Variants in TRAPPC9 observed in about 807,000 individuals in gnomAD.
The protein encoded by TRAPPC9 is IKK2 binding protein.
In TRAPPC9, 83 loss-of-function variants were observed where a neutral mutation model predicts 124.0. The ratio of observed to expected loss-of-function variants is 0.67; its 90% CI spans 0.56 to 0.80. The LOEUF (loss-of-function observed/expected upper bound fraction) is 0.80, where lower values mean the gene tolerates loss of function less well. TRAPPC9 is among the 30% of genes least tolerant of loss of function. TRAPPC9 has a pLI of 0.00. For missense variants in TRAPPC9, 1,302 were observed against 1,508.3 expected, an observed-to-expected ratio of 0.86 and a Z score of 2.27; for synonymous variants, 638 against 617.5, an observed-to-expected ratio of 1.03 and a Z score of -0.49.
chr8:139,998,535 G>A (rs535382882), intron 18 of TRAPPC9, among the ~76,000 whole-genome samples: 11 of 152,228 alleles, frequency 7.2e-5, no homozygotes, highest in East Asian at 3.9e-4. Flanking sequence ...TGGCTAACAC[G>A]GTGAAACCCC....
chr8:140,422,525 G>A (rs1477659116), intron 5 of TRAPPC9, among the ~76,000 whole-genome samples: 2 of 152,006 alleles, frequency 1.3e-5, no homozygotes, highest in Non-Finnish European at 2.9e-5. Context: ...AGGCCGAGGT[G>A]GGCGGATCAC....
chr8:139,918,365 A>T (rs1487699267), intron 19 of TRAPPC9, among the ~76,000 whole-genome samples: 1 of 152,202 alleles, frequency 6.6e-6, no homozygotes, highest in Non-Finnish European at 1.5e-5. Context: ...GAACCTGCGA[A>T]GAGCCCCCGA....
At chr8:139,775,900 G>A (rs1430996991) in intron 21 of TRAPPC9, among the ~76,000 whole-genome samples, 1 of 152,210 alleles carries the variant, frequency 6.6e-6, no homozygotes, top group South Asian at 2.1e-4. Flanking sequence ...CATTTCCACA[G>A]ATGAGAGTCA....
At chr8:139,833,849 G>C (rs1454840521) in intron 21 of TRAPPC9, among the ~76,000 whole-genome samples, 1 of 152,220 alleles carries the variant, frequency 6.6e-6, no homozygotes, top group Admixed American at 6.5e-5. Flanking sequence ...GTGTGGGGGA[G>C]GGGAGGCAGG....
intron 19 of TRAPPC9, among the ~76,000 whole-genome samples, chr8:139,953,493 A>T (rs556862568): frequency 2.5e-4 from 38 of 152,320 alleles, no homozygotes; most frequent in Admixed American, 5.9e-4. Flanking sequence ...CTCTGTCTCA[A>T]AAAAAATGTG....
intron 17 of TRAPPC9, among the ~76,000 whole-genome samples, chr8:140,037,642 C>T: frequency 6.7e-6 from 1 of 149,978 alleles, no homozygotes; most frequent in East Asian, 2.0e-4. Context: ...ACACACAAAA[C>T]ACACACCATA....
intron 15 of TRAPPC9, among the ~76,000 whole-genome samples, chr8:140,261,170 A>T (rs536196282): frequency 6.6e-6 from 1 of 152,328 alleles, no homozygotes; most frequent in Admixed American, 6.5e-5. Flanking sequence ...CGCCTAGGTC[A>T]TGTGCATGAA....
chr8:140,415,129 T>G (rs2069868940), intron 5 of TRAPPC9, among the ~76,000 whole-genome samples: 1 of 152,066 alleles, frequency 6.6e-6, no homozygotes, highest in South Asian at 2.1e-4. Flanking sequence ...GAGGATCTCT[T>G]GAGCCCAGGA....
chr8:140,274,551 A>G (rs573928698), intron 15 of TRAPPC9, among the ~76,000 whole-genome samples: 8 of 152,376 alleles, frequency 5.3e-5, no homozygotes, highest in East Asian at 3.9e-4. Context: ...TCAGTGGAAG[A>G]AATATGGGAA....
intron 13 of TRAPPC9, among the ~76,000 whole-genome samples, chr8:140,287,188 A>G (rs1240384015): frequency 6.6e-6 from 1 of 152,160 alleles, no homozygotes; most frequent in East Asian, 1.9e-4. Flanking sequence ...TATTTAGCCC[A>G]AAAAATACTG....
At chr8:139,768,317 C>T (rs1043168040) in intron 21 of TRAPPC9, among the ~76,000 whole-genome samples, 20 of 152,222 alleles carry the variant, frequency 1.3e-4, no homozygotes, top group Non-Finnish European at 2.5e-4. Context: ...ACCCTGGAGC[C>T]ACAGCAGTGA....
chr8:140,409,786 T>G (rs576621641), intron 5 of TRAPPC9, among the ~76,000 whole-genome samples: 2 of 151,990 alleles, frequency 1.3e-5, no homozygotes, highest in African/African-American at 4.8e-5. Context: ...ATTTAAAAAA[T>G]AAGAAGAAGA....
intron 17 of TRAPPC9, among the ~76,000 whole-genome samples, chr8:140,186,713 T>C (rs1036526161): frequency 3.9e-5 from 6 of 152,334 alleles, no homozygotes; most frequent in South Asian, 2.1e-4. Flanking sequence ...TCTTAATTAA[T>C]TGAAGCAAGT....
intron 8 of TRAPPC9, among the ~76,000 whole-genome samples, chr8:140,364,308 A>AG (rs1433680515): frequency 1.8e-4 from 28 of 152,058 alleles, no homozygotes; most frequent in African/African-American, 6.7e-4. Context: ...AAAAAAAAAA[A>AG]AAAAGGAACC....
At position 139,885,862 on chromosome 8, in the gene TRAPPC9, G is replaced by A; in HGVS notation, c.3055+17C>T. On this transcript the variant is annotated intron_variant, in intron 21 of 22. Transcript: ENST00000438773. ...GCACATCCACCCAGAATCGATGGGT[G>A]GCTGGCGGGTACTCACCCCACTGCA... The A allele has an allele frequency of 1.3e-6, 2 of 1,554,354 alleles. No individual in the cohort carries two copies. Among genetic ancestry groups the A allele is most frequent in the African/African-American group, 2.7e-5 (2 of 73,484 alleles).
At chr8:139,835,622 T>A (rs909625189) in intron 21 of TRAPPC9, among the ~76,000 whole-genome samples, 15 of 152,280 alleles carry the variant, frequency 9.9e-5, no homozygotes, top group African/African-American at 3.6e-4. Context: ...AGCGATCAAG[T>A]CCCAAAGGAC....
chr8:140,070,516 G>A (rs757351411), intron 17 of TRAPPC9, among the ~76,000 whole-genome samples: 5 of 151,908 alleles, frequency 3.3e-5, no homozygotes, highest in Non-Finnish European at 2.9e-5. Flanking sequence ...TTCAATAATC[G>A]ACACTTAATT....
At chr8:140,349,360 A>AGGGCACACAGGGGGGCCGAAGG (rs1563964610) in intron 9 of TRAPPC9, among the ~76,000 whole-genome samples, 1 of 86,620 alleles carries the variant, frequency 1.2e-5, no homozygotes, top group Non-Finnish European at 2.4e-5. Context: ...GCGCGAGGGA[A>AGGGCACACAGGGGGGCCGAAGG]GGGCGCGCGA....
chr8:140,364,755 A>AT (rs1473121173), intron 8 of TRAPPC9, among the ~76,000 whole-genome samples: 4 of 151,814 alleles, frequency 2.6e-5, no homozygotes, highest in Non-Finnish European at 4.4e-5. Flanking sequence ...GCTAATTTGT[A>AT]TTTTTTTAGT....
Sources: gnomAD v4.1 joint callset for allele counts (sites outside exome capture counted in the v4.1 genomes callset) on GRCh38, gnomAD v4.1.1 for gene constraint, MANE v1.5 for transcripts, NCBI Gene and HGNC (gene_info 2026-07-23, HGNC 2026-07-21) for gene names.